RAPGEF6: variants seen among roughly 807,000 people sequenced by gnomAD.
RAPGEF6 encodes Rap guanine nucleotide exchange factor 6, also known as PDZ domain containing guanine nucleotide exchange factor (GEF) 2.
RAPGEF6 carries 56 observed loss-of-function variants against 171.4 expected under a neutral mutation model. That is an observed-to-expected ratio of 0.33 (90% CI 0.26 to 0.41). The LOEUF (loss-of-function observed/expected upper bound fraction) is 0.41, where lower values mean the gene tolerates loss of function less well. Among genes scored for constraint, RAPGEF6 ranks in the 10% least tolerant of loss-of-function variants. The pLI is 1.00. For missense variants in RAPGEF6, 1,674 were observed against 1,921.4 expected, an observed-to-expected ratio of 0.87 and a Z score of 2.41; for synonymous variants, 692 against 650.1, an observed-to-expected ratio of 1.06 and a Z score of -0.98.
At chr5:131,622,406 C>T (rs1013897054) in intron 1 of RAPGEF6, among the ~76,000 whole-genome samples, 11 of 152,196 alleles carry the variant, frequency 7.2e-5, no homozygotes, top group African/African-American at 2.7e-4. Flanking sequence ...AACTCTATAA[C>T]ACTGTGTTTA....
Position 131,603,266 on chromosome 5 carries a change from C to G in RAPGEF6, c.197+5G>C, listed in dbSNP as rs550940237. 7 of 1,579,686 alleles carry G rather than the reference C, an allele frequency of 4.4e-6. No homozygotes were observed. The South Asian group carries it at 7.1e-5, about 16-fold the overall frequency. On this transcript the variant is annotated splice_donor_5th_base_variant and intron_variant, in intron 3 of 27. Transcript: ENST00000509018. The stretch of plus-strand genomic sequence containing the variant: ...TTAGTTTATGTGAATTATGGAAATA[C>G]TTACCAAAAGAGAACCTGATTGCCA...
chr5:131,529,901 C>CCT (rs1759254076), intron 6 of RAPGEF6, among the ~76,000 whole-genome samples: 1 of 119,776 alleles, frequency 8.3e-6, no homozygotes, highest in Admixed American at 8.7e-5. Context: ...TTGTCTCCCT[C>CCT]TTTTTTTTTT....
intron 1 of RAPGEF6, among the ~76,000 whole-genome samples, chr5:131,623,977 G>C (rs1765754007): frequency 6.6e-6 from 1 of 152,128 alleles, no homozygotes; most frequent in Non-Finnish European, 1.5e-5. Context: ...AAAGTATCTA[G>C]GAACACAGAG....
intron 1 of RAPGEF6, among the ~76,000 whole-genome samples, chr5:131,629,798 G>T (rs1766186244): frequency 6.6e-6 from 1 of 150,740 alleles, no homozygotes; most frequent in South Asian, 2.1e-4. Flanking sequence ...AAAAAGAAAT[G>T]AAGATGGAGC....
chr5:131,531,070 G>A (rs1433712997), intron 6 of RAPGEF6, among the ~76,000 whole-genome samples: 1 of 152,136 alleles, frequency 6.6e-6, no homozygotes, highest in Non-Finnish European at 1.5e-5. Context: ...AATGGACAGT[G>A]AATTTAAATG....
intron 14 of RAPGEF6, among the ~76,000 whole-genome samples, chr5:131,491,155 C>T (rs1463682260): frequency 1.3e-5 from 2 of 152,100 alleles, no homozygotes; most frequent in Non-Finnish European, 1.5e-5. Context: ...TTAGACATTC[C>T]TAATGAGTAG....
Position 131,442,538 on chromosome 5 carries a change from C to T in RAPGEF6, c.3422-1G>A. On this transcript the variant is annotated splice_acceptor_variant, in intron 22 of 27. Transcript: ENST00000509018. LOFTEE classifies it high-confidence loss of function. ...CTTTTCTCACTTAAATTCTTGGTCA[C>T]TAACAGGAGAGAGTAAGAAATAAGT... 6.2e-7 allele frequency: 1 copy of T among 1,613,448 alleles called. No individual in the cohort carries two copies. Among genetic ancestry groups the T allele is most frequent in the Non-Finnish European group, 8.5e-7 (1 of 1,179,680 alleles).
chr5:131,548,228 T>C (rs768869645), intron 5 of RAPGEF6, 38 bp from the exon 6 acceptor site: 91 of 1,602,636 alleles, frequency 5.7e-5, no homozygotes, highest in Admixed American at 1.4e-4. Context: ...AAATATCAAA[T>C]TTTTCCATAT....
Position 131,559,828 on chromosome 5 carries a change from T to C in RAPGEF6, c.351+2150A>G, listed in dbSNP as rs1431976706. Among the ~76,000 whole-genome samples, 3 of 148,334 alleles carry C rather than the reference T, an allele frequency of 2.0e-5. No homozygotes were observed. In the East Asian group the frequency reaches 5.9e-4, roughly 29 times the overall value. On this transcript the variant is annotated intron_variant, in intron 5 of 27. Coordinates refer to ENST00000509018, the MANE Select transcript of RAPGEF6 (RefSeq NM_016340.6). Reference sequence around the variant, plus strand: ...CACTCTACTCTCGGTAAGCCCCTTTTCTTTAAGAAAAAAAGAAAAAAAAAA... The same window carrying C: ...CACTCTACTCTCGGTAAGCCCCTTTCCTTTAAGAAAAAAAGAAAAAAAAAA...
At chr5:131,511,923 G>A (rs1382075471) in intron 7 of RAPGEF6, among the ~76,000 whole-genome samples, 6 of 152,150 alleles carry the variant, frequency 3.9e-5, no homozygotes, top group Non-Finnish European at 7.3e-5. Flanking sequence ...CTAGATTTCT[G>A]TACACAATTA....
At chr5:131,437,154 G>A (rs934173083) in intron 24 of RAPGEF6, among the ~76,000 whole-genome samples, 1 of 152,196 alleles carries the variant, frequency 6.6e-6, no homozygotes, top group African/African-American at 2.4e-5. Flanking sequence ...ACACATGCAA[G>A]AACAAGCTGA....
At chr5:131,456,193 G>GA (rs1320855792) in intron 19 of RAPGEF6, among the ~76,000 whole-genome samples, 181 bp from the exon 20 acceptor site, 3 of 152,042 alleles carry the variant, frequency 2.0e-5, no homozygotes, top group African/African-American at 7.2e-5. Flanking sequence ...GATCTTACAA[G>GA]AACTTCTTTC....
At chr5:131,524,837 A>G (rs575548331) in intron 6 of RAPGEF6, among the ~76,000 whole-genome samples, 1 of 152,276 alleles carries the variant, frequency 6.6e-6, no homozygotes, top group African/African-American at 2.4e-5. Flanking sequence ...GCTGGTCTCC[A>G]GCTCTTGACC....
At chr5:131,591,287 C>T (rs957776802) in intron 4 of RAPGEF6, among the ~76,000 whole-genome samples, 4 of 152,118 alleles carry the variant, frequency 2.6e-5, no homozygotes, top group Non-Finnish European at 5.9e-5. Flanking sequence ...CTAAAGCATA[C>T]GTTGAGGCCC....
intron 5 of RAPGEF6, among the ~76,000 whole-genome samples, chr5:131,561,368 T>C (rs1167007359): frequency 6.6e-6 from 1 of 151,996 alleles, no homozygotes; most frequent in African/African-American, 2.4e-5. Flanking sequence ...AAAGAAGAAA[T>C]CACCTGAGGC....
chr5:131,543,880 T>C (rs993170268), intron 6 of RAPGEF6, among the ~76,000 whole-genome samples: 3 of 152,170 alleles, frequency 2.0e-5, no homozygotes, highest in Non-Finnish European at 2.9e-5. Context: ...TTTAAATTTG[T>C]TGCAAACTTT....
chr5:131,514,807 T>C (rs978613902), intron 7 of RAPGEF6, among the ~76,000 whole-genome samples: 1 of 152,156 alleles, frequency 6.6e-6, no homozygotes, highest in Non-Finnish European at 1.5e-5. Context: ...ACACTCCGTA[T>C]TCGTGAAGGT....
At chr5:131,492,090 A>G (rs1756321761) in intron 14 of RAPGEF6, among the ~76,000 whole-genome samples, 1 of 152,160 alleles carries the variant, frequency 6.6e-6, no homozygotes, top group African/African-American at 2.4e-5. Flanking sequence ...CTTTTTTCCT[A>G]GTCCCCCATT....
rs79444449 is a variant in RAPGEF6, at chr5:131,459,246, G to T, written c.2864+2459C>A. Among the ~76,000 whole-genome samples, 54 of 152,310 alleles carry T rather than the reference G, an allele frequency of 3.5e-4. No homozygotes were observed. In the East Asian group the frequency reaches 9.8e-3, roughly 28 times the overall value. Reference sequence around the variant, plus strand: ...AGATTGATTAATGATGTTGGGTGAAGAAGTCATTTGGAACAAAGAAAGATA... The same window carrying T: ...AGATTGATTAATGATGTTGGGTGAATAAGTCATTTGGAACAAAGAAAGATA... On this transcript the variant is annotated intron_variant, in intron 19 of 27. Transcript: ENST00000509018.
Sources: gnomAD v4.1 joint callset for allele counts (sites outside exome capture counted in the v4.1 genomes callset) on GRCh38, gnomAD v4.1.1 for gene constraint, MANE v1.5 for transcripts, NCBI Gene and HGNC (gene_info 2026-07-23, HGNC 2026-07-21) for gene names.